EYA3: variants seen among roughly 807,000 people sequenced by gnomAD.
EYA3 encodes EYA transcriptional coactivator and phosphatase 3, also known as protein phosphatase EYA3.
In EYA3, 39 loss-of-function variants were observed where a neutral mutation model predicts 80.0. The ratio of observed to expected loss-of-function variants is 0.49; its 90% confidence interval spans 0.38 to 0.64. EYA3 has a LOEUF of 0.64. EYA3 is among the 30% of genes least tolerant of loss of function. EYA3 has a pLI of 0.00. For synonymous variants in EYA3, 206 were observed against 232.8 expected (o/e 0.88, Z 1.05); for missense variants, 523 against 676.1 (o/e 0.77, Z 2.51).
At chr1:28,015,510 C>T (rs1286981419) in intron 8 of EYA3, among the ~76,000 whole-genome samples, 1 of 152,102 alleles carries the variant, frequency 6.6e-6, no homozygotes, top group Non-Finnish European at 1.5e-5. Flanking sequence ...GCCTGGGTGA[C>T]AGAGCGAGAC....
chr1:28,012,870 G>C (rs1233404840), intron 9 of EYA3, among the ~76,000 whole-genome samples: 1 of 152,188 alleles, frequency 6.6e-6, no homozygotes, highest in Non-Finnish European at 1.5e-5. Flanking sequence ...AGGGAGGGTA[G>C]AGTACGAGTC....
At chr1:28,075,546 T>A (rs1381644297) in intron 1 of EYA3, among the ~76,000 whole-genome samples, 1 of 152,214 alleles carries the variant, frequency 6.6e-6, no homozygotes, top group Non-Finnish European at 1.5e-5. Context: ...AAACTCGATC[T>A]ATCCCTTCCA....
intron 2 of EYA3, among the ~76,000 whole-genome samples, chr1:28,053,581 T>A (rs941885080): frequency 8.5e-5 from 13 of 152,256 alleles, no homozygotes; most frequent in Non-Finnish European, 1.8e-4. Context: ...AAAAAGAAGA[T>A]ACAACTACCT....
At chr1:27,974,580 C>T (rs768687896) in intron 17 of EYA3, 34 bp from the exon 18 acceptor site, 53 of 1,568,252 alleles carry the variant, frequency 3.4e-5, no homozygotes, top group Non-Finnish European at 4.5e-5. Flanking sequence ...GTTAATCCAA[C>T]TTCTTCTGAG....
chr1:28,041,826 A>C (rs1643797962), intron 4 of EYA3, among the ~76,000 whole-genome samples: 1 of 152,148 alleles, frequency 6.6e-6, no homozygotes, highest in African/African-American at 2.4e-5. Context: ...AAGTATTTGA[A>C]GGAAAAAAGG....
chr1:28,050,391 C>T (rs902295422), intron 2 of EYA3, among the ~76,000 whole-genome samples: 4 of 151,692 alleles, frequency 2.6e-5, no homozygotes, highest in Admixed American at 6.6e-5. Flanking sequence ...TAGGAGAGAC[C>T]GGGTTTCACC....
In EYA3 at chr1:28,027,792, G is replaced by T; in HGVS notation, c.496C>A (p.Gln166Lys). The T allele has an allele frequency of 6.2e-7, 1 of 1,614,046 alleles. No homozygotes were observed. Among genetic ancestry groups the T allele is most frequent in the Non-Finnish European group, 8.5e-7 (1 of 1,179,948 alleles). The change falls in exon 7 of 18, where the codon CAA becomes AAA. Residue 166 changes from glutamine to lysine, a missense_variant. This residue lies in a region of EYA3 where 304 missense variants were observed against 343.3 expected (regional missense o/e 0.89). Transcript: ENST00000373871. ...PSPAHYSYPI[Q>K]ASSTNASLIS... is the part of the protein sequence containing the mutation. ...ACACACAACCATGCCTATTTACCTT[G>T]AATGGGATAAGAATAATGTGCTGGG...
intron 11 of EYA3, among the ~76,000 whole-genome samples, chr1:28,003,709 G>A (rs1232073324): frequency 6.6e-6 from 1 of 152,024 alleles, no homozygotes; most frequent in African/African-American, 2.4e-5. Context: ...CACCTGGCTG[G>A]GGTGCAGATA....
chr1:27,981,315 A>G (rs1216415749), intron 16 of EYA3, among the ~76,000 whole-genome samples: 2 of 152,216 alleles, frequency 1.3e-5, no homozygotes, highest in African/African-American at 4.8e-5. Flanking sequence ...GAAAAATACC[A>G]AATAAGCACA....
intron 1 of EYA3, among the ~76,000 whole-genome samples, chr1:28,071,639 C>T (rs1243745493): frequency 6.6e-6 from 1 of 151,798 alleles, no homozygotes. Context: ...TGAATAGAGC[C>T]CTGAAATTCT....
At chr1:28,024,906 T>C (rs2790718) in intron 7 of EYA3, among the ~76,000 whole-genome samples, 5,855 of 152,156 alleles carry the variant, frequency 0.038, 263 homozygotes, top group African/African-American at 0.11. Flanking sequence ...AAAGAAAAGG[T>C]TCTGCTTAGA....
rs1638821954 is a variant in EYA3, at chr1:27,974,024, AAG to A, written c.*440_*441del. The A allele has an allele frequency of 6.5e-6, 1 of 154,116 alleles. No homozygotes were observed. The highest frequency in any genetic ancestry group is 1.4e-5 in the Non-Finnish European group (1 of 69,248). The allele number at this position is 154,116 out of a possible 1,614,324, so 9.5% of individuals were successfully genotyped here. ...GTAATTCTCAATCTGGTCATGGACT[AAG>A]AGTGCAACTCTGCCCCAGGAATTTC... is the stretch of plus-strand genomic sequence containing the variant. On this transcript the variant is annotated 3_prime_UTR_variant, in exon 18 of 18. Coordinates refer to ENST00000373871, the MANE Select transcript of EYA3 (RefSeq NM_001990.4).
At chr1:28,054,543 T>C (rs781448125) in intron 2 of EYA3, among the ~76,000 whole-genome samples, 28 of 152,204 alleles carry the variant, frequency 1.8e-4, no homozygotes, top group Non-Finnish European at 4.1e-4. Context: ...ACAAACATGA[T>C]TGCTAAACCA....
At chr1:28,004,955 GAAA>G (rs367605363) in intron 10 of EYA3, among the ~76,000 whole-genome samples, 1 of 151,482 alleles carries the variant, frequency 6.6e-6, no homozygotes, top group Non-Finnish European at 1.5e-5. Flanking sequence ...TTGACTAAGG[GAAA>G]AAAAAGAAGA....
intron 14 of EYA3, among the ~76,000 whole-genome samples, chr1:27,990,959 T>A (rs114887550): frequency 0.014 from 2,123 of 152,144 alleles, 31 homozygotes; most frequent in Middle Eastern, 0.051. Flanking sequence ...CAGGCAAAGA[T>A]AAATTTTTAG....
intron 10 of EYA3, 190 bp downstream of exon 10, chr1:28,010,757 C>T (rs1571790926): frequency 1.7e-6 from 1 of 580,422 alleles, no homozygotes; most frequent in East Asian, 3.1e-5. Context: ...CTGTTCTCTT[C>T]TGGAATATAC....
Position 28,010,997 on chromosome 1 carries a change from G to A in EYA3, c.859C>T (p.Arg287Trp), listed in dbSNP as rs368411818. 2.5e-5 allele frequency: 40 copies of A among 1,613,950 alleles called. No individual in the cohort carries two copies. The highest frequency in any genetic ancestry group is 1.5e-4 in the Admixed American group (9 of 59,990). ...GTGGCATCAGCTTTCCTCTTGCCCC[G>A]GTTCTTGCTAGTCATGTTTTTCCTG... ...QSRKNMTSKN[R>W]GKRKADATSS... The change falls in exon 10 of 18, where the codon CGG (arginine) becomes TGG (tryptophan). Residue 287 changes from arginine (R) to tryptophan (W), a missense_variant. Arg to Trp is a moderately radical substitution (Grantham distance 101, BLOSUM62 -3). Around this residue, in one of 2 missense-constraint regions of EYA3, gnomAD observed 304 missense variants for 343.3 expected, o/e 0.89. Coordinates refer to ENST00000373871, the MANE Select transcript of EYA3 (RefSeq NM_001990.4).
chr1:28,018,222 A>G (rs535524012), intron 7 of EYA3, among the ~76,000 whole-genome samples: 2 of 152,238 alleles, frequency 1.3e-5, no homozygotes, highest in South Asian at 2.1e-4. Flanking sequence ...AAAAAGAAAA[A>G]AAAGAAAGAA....
chr1:28,086,464 G>A (rs1398859120), intron 1 of EYA3, among the ~76,000 whole-genome samples: 2 of 152,186 alleles, frequency 1.3e-5, no homozygotes, highest in East Asian at 1.9e-4. Context: ...GATTATAGGT[G>A]TGAACCACCA....
Sources: gnomAD v4.1 joint callset for allele counts (sites outside exome capture counted in the v4.1 genomes callset) on GRCh38, gnomAD v4.1.1 for gene constraint, gnomAD v4.1.1 regional missense constraint, MANE v1.5 for transcripts, NCBI Gene and HGNC (gene_info 2026-07-23, HGNC 2026-07-21) for gene names.